CGNL1: variants seen among roughly 807,000 people sequenced by gnomAD.
CGNL1 encodes cingulin like 1.
In CGNL1, 132 loss-of-function variants were observed where a neutral mutation model predicts 141.2. The observed-to-expected ratio is 0.93, with a 90% CI of 0.81 to 1.08. The LOEUF is 1.08. Ranked by LOEUF, CGNL1 falls within the 50% of genes least tolerant of loss-of-function variation. CGNL1 has a pLI of 0.00. For synonymous variants in CGNL1, 690 were observed against 622.1 expected, an observed-to-expected ratio of 1.11 and a Z score of -1.63; for missense variants, 1,870 against 1,588.6, an observed-to-expected ratio of 1.18 and a Z score of -3.01.
intron 1 of CGNL1, among the ~76,000 whole-genome samples, chr15:57,433,987 C>T (rs1040702889): frequency 5.3e-5 from 7 of 132,468 alleles, no homozygotes; most frequent in Non-Finnish European, 8.3e-5. Context: ...ACTTGCAGAG[C>T]CACCAATCTG....
rs144501542 is a variant in CGNL1, at chr15:57,439,458, C to T, written c.1459C>T (p.Leu487Phe). The T allele has an allele frequency of 3.7e-5, 60 of 1,614,084 alleles. No homozygotes were observed. In the African/African-American group the frequency reaches 6.9e-4, roughly 19 times the overall value. Residue 487 changes from leucine (L) to phenylalanine (F), a missense_variant, in exon 2 of 19, where the codon CTT (leucine) becomes TTT (phenylalanine). Leu to Phe is a conservative substitution (Grantham distance 22). Coordinates refer to ENST00000281282, the MANE Select transcript of CGNL1 (RefSeq NM_032866.5). Reference protein sequence around the residue: ...QESTVIRAPSLGAQSKKEEEV... With the variant: ...QESTVIRAPSFGAQSKKEEEV... ...AAGTACAGTGATCCGTGCGCCCTCC[C>T]TTGGTGCACAGAGTAAAAAGGAGGA...
Position 57,547,456 on chromosome 15 carries a change from T to C in CGNL1, c.3875T>C (p.Phe1292Ser). Residue 1292 changes from phenylalanine to serine, a missense_variant, in exon 19 of 19, where the codon TTC (phenylalanine) becomes TCC (serine). Physicochemically the swap from Phe to Ser is radical, Grantham distance 155. Transcript: ENST00000281282. ...TATGAGGCGCCTGTGAGCTACACAT[T>C]CTCCAAGGACAGCACCGTCGCCAGC... ...SLYEAPVSYTFSKDSTVASQI is the reference protein window; with the variant it reads ...SLYEAPVSYTSSKDSTVASQI 6.2e-7 allele frequency: 1 copy of C among 1,614,116 alleles called. No individual in the cohort carries two copies. The highest frequency in any genetic ancestry group is 8.5e-7 in the Non-Finnish European group (1 of 1,180,010).
intron 1 of CGNL1, among the ~76,000 whole-genome samples, chr15:57,384,850 T>C (rs1229925667): frequency 6.6e-6 from 1 of 152,180 alleles, no homozygotes; most frequent in Non-Finnish European, 1.5e-5. Context: ...ATTTCCTCTG[T>C]CTCTAGCAGC....
In CGNL1 at chr15:57,537,027, G is replaced by C. The variant is rs149469964; in HGVS notation, c.3291+5248G>C. Among the ~76,000 whole-genome samples the C allele has an allele frequency of 2.8e-3, 434 of 152,334 alleles. 6 individuals are homozygous for C. Among genetic ancestry groups the C allele is most frequent in the African/African-American group, 9.5e-3 (395 of 41,564 alleles). Reference sequence around the variant, plus strand: ...AGTGCAGGATTCAAATAGCCAAAGAGAGGTCCGGCTTCATATGCTTTAAAT... The same window carrying C: ...AGTGCAGGATTCAAATAGCCAAAGACAGGTCCGGCTTCATATGCTTTAAAT... On this transcript the variant is annotated intron_variant, in intron 14 of 18. Coordinates refer to ENST00000281282, the MANE Select transcript of CGNL1 (RefSeq NM_032866.5).
At chr15:57,464,161 A>G (rs924761700) in intron 8 of CGNL1, among the ~76,000 whole-genome samples, 4 of 151,230 alleles carry the variant, frequency 2.6e-5, no homozygotes, top group Admixed American at 1.3e-4. Flanking sequence ...TGAGTCTGTT[A>G]TTGGGATGAT....
At position 57,379,550 on chromosome 15, in the gene CGNL1, C is replaced by A. The variant is rs199627278; in HGVS notation, c.-16+2983C>A. On this transcript the variant is annotated intron_variant, in intron 1 of 18. Transcript: ENST00000281282. ...TAATGGCCTCCTAACTCTCTTTCCC[C>A]GTGAAACCCATTTATCTAAGAGATG... 4.6e-5 allele frequency among the ~76,000 whole-genome samples: 7 copies of A among 152,236 alleles called. No individual in the cohort carries two copies. The East Asian group carries it at 7.7e-4, about 17-fold the overall frequency.
intron 1 of CGNL1, among the ~76,000 whole-genome samples, chr15:57,408,145 T>C: frequency 6.6e-6 from 1 of 152,190 alleles, no homozygotes. Context: ...ATCTGTGTTC[T>C]GCTGAAATCT....
intron 1 of CGNL1, among the ~76,000 whole-genome samples, chr15:57,428,713 C>G (rs538144446): frequency 6.6e-6 from 1 of 152,118 alleles, no homozygotes; most frequent in South Asian, 2.1e-4. Context: ...AAAAAAATGT[C>G]TAAAGTAAAG....
At chr15:57,445,972 C>T (rs2063246092) in intron 4 of CGNL1, among the ~76,000 whole-genome samples, 1 of 152,128 alleles carries the variant, frequency 6.6e-6, no homozygotes, top group Non-Finnish European at 1.5e-5. Context: ...GGAAATGTAA[C>T]ATCTAAAAGG....
chr15:57,523,086 GGTGTGATGCT>G (rs1182835968), intron 10 of CGNL1, among the ~76,000 whole-genome samples: 2 of 152,182 alleles, frequency 1.3e-5, no homozygotes, highest in Non-Finnish European at 2.9e-5. Context: ...TGGAACATTA[GGTGTGATGCT>G]GTGTGTCACA....
intron 8 of CGNL1, among the ~76,000 whole-genome samples, chr15:57,482,121 T>G (rs1404379935): frequency 6.6e-6 from 1 of 152,194 alleles, no homozygotes; most frequent in Non-Finnish European, 1.5e-5. Flanking sequence ...GGTTTGTTTT[T>G]TTTTTAAACT....
At chr15:57,531,645 G>T (rs377697929) in intron 13 of CGNL1, 45 bp from the exon 14 acceptor site, 1 of 1,264,748 alleles carries the variant, frequency 7.9e-7, no homozygotes, top group Middle Eastern at 1.9e-4. Flanking sequence ...TGTTAATCCC[G>T]GTCAGTGCAA....
intron 1 of CGNL1, among the ~76,000 whole-genome samples, chr15:57,425,280 C>G (rs1322242492): frequency 6.6e-6 from 1 of 152,166 alleles, no homozygotes; most frequent in Non-Finnish European, 1.5e-5. Flanking sequence ...AGGAGGATCC[C>G]TTGAGCCCAG....
At chr15:57,468,775 G>A (rs2063543544) in intron 8 of CGNL1, among the ~76,000 whole-genome samples, 1 of 152,112 alleles carries the variant, frequency 6.6e-6, no homozygotes, top group Admixed American at 6.5e-5. Context: ...CACATGTTGT[G>A]GGAGGGACTG....
At chr15:57,506,233 G>A (rs1265411951) in intron 8 of CGNL1, among the ~76,000 whole-genome samples, 2 of 152,228 alleles carry the variant, frequency 1.3e-5, no homozygotes, top group African/African-American at 4.8e-5. Flanking sequence ...AGCGCTGGAA[G>A]CAGGGCATTG....
chr15:57,489,992 T>C (rs1183261671), intron 8 of CGNL1, among the ~76,000 whole-genome samples: 1 of 152,208 alleles, frequency 6.6e-6, no homozygotes, highest in Non-Finnish European at 1.5e-5. Context: ...AAGCATATTT[T>C]CAACCCTGCT....
intron 7 of CGNL1, among the ~76,000 whole-genome samples, chr15:57,459,939 C>T (rs949787427): frequency 2.8e-4 from 43 of 152,230 alleles, no homozygotes; most frequent in African/African-American, 9.6e-4. Flanking sequence ...TGTGTTAGTG[C>T]AGGTTTGAAC....
At chr15:57,446,061 G>A (rs570872124) in intron 4 of CGNL1, among the ~76,000 whole-genome samples, 6 of 152,170 alleles carry the variant, frequency 3.9e-5, no homozygotes, top group Non-Finnish European at 7.4e-5. Context: ...TCTCACTGGC[G>A]GTGACTCAGC....
intron 8 of CGNL1, among the ~76,000 whole-genome samples, chr15:57,502,164 G>C (rs746747220): frequency 1.3e-5 from 2 of 152,204 alleles, no homozygotes; most frequent in Non-Finnish European, 2.9e-5. Flanking sequence ...TTTAGCCTAA[G>C]AGGAAAAGAA....
Sources: allele counts gnomAD v4.1 joint callset (sites outside exome capture counted in the v4.1 genomes callset), GRCh38; gene constraint gnomAD v4.1.1; transcripts MANE v1.5; gene names NCBI Gene and HGNC (gene_info 2026-07-23, HGNC 2026-07-21).